GMDS: variants seen among roughly 807,000 people sequenced by gnomAD.
GMDS encodes the protein GDP-mannose 4,6-dehydratase.
A neutral mutation model predicts 49.9 loss-of-function variants in GMDS; 20 were observed. The observed-to-expected ratio is 0.40, with a 90% CI of 0.28 to 0.58. The LOEUF (loss-of-function observed/expected upper bound fraction) is 0.58. Among genes scored for constraint, GMDS ranks in the 20% least tolerant of loss-of-function variants. GMDS has a pLI of 0.42. For synonymous variants in GMDS, 177 were observed against 178.6 expected, an observed-to-expected ratio of 0.99 and a Z score of 0.07; for missense variants, 362 against 481.4, an observed-to-expected ratio of 0.75 and a Z score of 2.32.
chr6:1,729,186 C>T (rs1766700287), intron 8 of GMDS, among the ~76,000 whole-genome samples: 1 of 152,174 alleles, frequency 6.6e-6, no homozygotes, highest in Admixed American at 6.5e-5. Flanking sequence ...GTCATAGACT[C>T]ACATTTGGGA....
At chr6:2,239,689 CTTT>C (rs771154281) in intron 1 of GMDS, among the ~76,000 whole-genome samples, 1 of 144,454 alleles carries the variant, frequency 6.9e-6, no homozygotes, top group Non-Finnish European at 1.5e-5. Flanking sequence ...AATGCCAGAC[CTTT>C]TTTTTTTTTT....
At chr6:1,999,086 G>T (rs1053966887) in intron 4 of GMDS, among the ~76,000 whole-genome samples, 1 of 152,062 alleles carries the variant, frequency 6.6e-6, no homozygotes, top group African/African-American at 2.4e-5. Flanking sequence ...CACTTTGGGA[G>T]GCCAAGGCGG....
At chr6:1,922,827 G>T (rs888459433) in intron 7 of GMDS, among the ~76,000 whole-genome samples, 1 of 152,118 alleles carries the variant, frequency 6.6e-6, no homozygotes, top group Admixed American at 6.5e-5. Context: ...AGCCATTTCC[G>T]TTGCTAAATA....
Position 2,193,720 on chromosome 6 carries a change from A to ATTT in GMDS, c.102+51598_102+51600dup, listed in dbSNP as rs35997013. Among the ~76,000 whole-genome samples the ATTT allele has an allele frequency of 1.7e-3, 190 of 111,756 alleles. 4 individuals are homozygous for ATTT. Among genetic ancestry groups the ATTT allele is most frequent in the African/African-American group, 4.7e-3 (126 of 26,674 alleles). 73.3% of individuals were successfully genotyped at this position (111,756 alleles called of 152,430 possible). On this transcript the variant is annotated intron_variant, in intron 1 of 10. Coordinates refer to ENST00000380815, the MANE Select transcript of GMDS (RefSeq NM_001500.4). ...ATAGTGGAAGCTTAGTGAAAATGCT[A>ATTT]TTTTTTTTTTTTTTTTTTTTTTGAG... is the stretch of plus-strand genomic sequence containing the variant.
intron 4 of GMDS, among the ~76,000 whole-genome samples, chr6:2,069,304 G>A (rs1169214976): frequency 1.3e-5 from 2 of 152,160 alleles, no homozygotes; most frequent in South Asian, 2.1e-4. Context: ...GATCTAAAAC[G>A]ATAAAAACCC....
intron 1 of GMDS, among the ~76,000 whole-genome samples, chr6:2,177,688 G>A (rs373588828): frequency 5.9e-5 from 9 of 152,214 alleles, no homozygotes; most frequent in East Asian, 3.9e-4. Context: ...TCAAAGGAAC[G>A]TGCCTAAAAA....
At chr6:1,794,757 T>G (rs1413896244) in intron 7 of GMDS, among the ~76,000 whole-genome samples, 1 of 152,232 alleles carries the variant, frequency 6.6e-6, no homozygotes, top group East Asian at 1.9e-4. Context: ...CACGTCATTC[T>G]TATCCCAAAT....
intron 4 of GMDS, among the ~76,000 whole-genome samples, chr6:2,048,525 T>G (rs989646448): frequency 1.3e-5 from 2 of 152,228 alleles, no homozygotes; most frequent in African/African-American, 4.8e-5. Context: ...TCTTGTCCCT[T>G]TGCATTTACA....
At chr6:2,158,322 C>G (rs1300839632) in intron 1 of GMDS, among the ~76,000 whole-genome samples, 4 of 152,130 alleles carry the variant, frequency 2.6e-5, no homozygotes, top group Non-Finnish European at 4.4e-5. Flanking sequence ...ATTTGACATT[C>G]ATGTAACTGC....
chr6:1,846,041 T>C (rs1757393322), intron 7 of GMDS, among the ~76,000 whole-genome samples: 1 of 151,864 alleles, frequency 6.6e-6, no homozygotes. Flanking sequence ...TTGATAATAT[T>C]AGATGGGGAG....
chr6:1,835,139 GCA>G, intron 7 of GMDS, among the ~76,000 whole-genome samples: 1 of 152,288 alleles, frequency 6.6e-6, no homozygotes, highest in African/African-American at 2.4e-5. Flanking sequence ...GACGGGAGGG[GCA>G]CAGAGTCTGT....
At chr6:2,166,876 T>C (rs1391093412) in intron 1 of GMDS, among the ~76,000 whole-genome samples, 3 of 152,170 alleles carry the variant, frequency 2.0e-5, no homozygotes, top group Non-Finnish European at 4.4e-5. Flanking sequence ...GCCATCCCAC[T>C]CCTTCCTCAT....
At chr6:1,916,311 C>T (rs953960863) in intron 7 of GMDS, among the ~76,000 whole-genome samples, 3 of 152,078 alleles carry the variant, frequency 2.0e-5, no homozygotes, top group Non-Finnish European at 4.4e-5. Flanking sequence ...AGCTGCTCAC[C>T]AGGCTCTATC....
At chr6:1,877,352 A>G (rs1186944254) in intron 7 of GMDS, among the ~76,000 whole-genome samples, 1 of 152,072 alleles carries the variant, frequency 6.6e-6, no homozygotes, top group East Asian at 1.9e-4. Context: ...CAATTAAGAT[A>G]CATCCAGCAG....
At chr6:1,626,002 C>T (rs900515209) in intron 9 of GMDS, 1 of 152,256 alleles carries the variant, frequency 6.6e-6, no homozygotes. Flanking sequence ...GAAAGCCTTT[C>T]CTGCTTATTT....
At chr6:1,642,678 G>A (rs1463890633) in intron 9 of GMDS, among the ~76,000 whole-genome samples, 1 of 152,158 alleles carries the variant, frequency 6.6e-6, no homozygotes, top group African/African-American at 2.4e-5. Context: ...TAACAGACGT[G>A]GAGTAATATT....
At chr6:1,795,446 T>C (rs1769702467) in intron 7 of GMDS, among the ~76,000 whole-genome samples, 1 of 152,214 alleles carries the variant, frequency 6.6e-6, no homozygotes, top group South Asian at 2.1e-4. Context: ...TATCTGTATA[T>C]ATACATACAG....
intron 7 of GMDS, among the ~76,000 whole-genome samples, chr6:1,897,295 T>A (rs1183827610): frequency 6.6e-6 from 1 of 152,140 alleles, no homozygotes; most frequent in Non-Finnish European, 1.5e-5. Context: ...ATTGGATAGG[T>A]CCCTACCCTA....
chr6:1,749,621 A>G (rs1767645717), intron 7 of GMDS, among the ~76,000 whole-genome samples: 1 of 151,976 alleles, frequency 6.6e-6, no homozygotes, highest in Non-Finnish European at 1.5e-5. Flanking sequence ...AAAAAAAAGA[A>G]ATTGTCTTCT....
Sources: allele counts gnomAD v4.1 joint callset (sites outside exome capture counted in the v4.1 genomes callset), GRCh38; gene constraint gnomAD v4.1.1; transcripts MANE v1.5; gene names NCBI Gene and HGNC (gene_info 2026-07-23, HGNC 2026-07-21).